The following FANCC variants were observed in gnomAD, a reference collection of about 807,000 sequenced individuals.
The protein encoded by FANCC is Fanconi anemia group C protein.
In FANCC, 55 loss-of-function variants were observed where a neutral mutation model predicts 71.3. The ratio of observed to expected loss-of-function variants is 0.77; its 90% CI spans 0.62 to 0.97. FANCC has a LOEUF of 0.97. FANCC is among the 50% of genes least tolerant of loss of function. The probability of loss-of-function intolerance (pLI) is 0.00; values close to 1 mark genes in which losing one functional copy is unlikely to be tolerated. For synonymous variants in FANCC, 275 were observed against 244.9 expected, an observed-to-expected ratio of 1.12 and a Z score of -1.15; for missense variants, 678 against 670.9, an observed-to-expected ratio of 1.01 and a Z score of -0.12.
intron 4 of FANCC, among the ~76,000 whole-genome samples, chr9:95,235,790 G>A (rs1199886163): frequency 8.2e-6 from 1 of 121,330 alleles, no homozygotes; most frequent in Non-Finnish European, 1.6e-5. Flanking sequence ...GTTGCAGTGG[G>A]CCAAGATTGC....
At chr9:95,141,869 A>G (rs1446790470) in intron 7 of FANCC, among the ~76,000 whole-genome samples, 1 of 152,134 alleles carries the variant, frequency 6.6e-6, no homozygotes, top group Non-Finnish European at 1.5e-5. Flanking sequence ...GTTTTAGTTC[A>G]GTGATTGTTA....
intron 1 of FANCC, among the ~76,000 whole-genome samples, chr9:95,307,148 G>C (rs1462666459): frequency 6.6e-6 from 1 of 152,168 alleles, no homozygotes; most frequent in African/African-American, 2.4e-5. Flanking sequence ...GCCTCCCAAA[G>C]TGCTGGGATT....
In FANCC at chr9:95,125,148, T is replaced by C. The variant is rs1800366; in HGVS notation, c.934A>G (p.Ile312Val). 6.9e-4 allele frequency: 1,112 copies of C among 1,614,224 alleles called. 1 individual carries two copies. Among genetic ancestry groups the C allele is most frequent in the Non-Finnish European group, 7.6e-4 (895 of 1,180,034 alleles). Residue 312 changes from isoleucine to valine, a missense_variant, in exon 10 of 15, where the codon ATA becomes GTA. Coordinates refer to ENST00000289081, the MANE Select transcript of FANCC (RefSeq NM_000136.3). ...TGCGTAAACACCTGAATAGTGGCTA[T>C]GATTTCCAGGGCCCCATCGGTTTCC... ...LLETDGALEI[I>V]ATIQVFTQCF...
intron 6 of FANCC, among the ~76,000 whole-genome samples, chr9:95,168,881 T>C (rs915936872): frequency 6.6e-6 from 1 of 152,252 alleles, no homozygotes; most frequent in Non-Finnish European, 1.5e-5. Flanking sequence ...TGTCCCACTC[T>C]GTCCCATCTG....
intron 14 of FANCC, among the ~76,000 whole-genome samples, chr9:95,105,701 C>A (rs543745725): frequency 1.3e-5 from 2 of 152,222 alleles, no homozygotes; most frequent in Non-Finnish European, 2.9e-5. Flanking sequence ...GGACTTGACT[C>A]TTCCAGGTGC....
At chr9:95,141,939 T>C (rs1382240650) in intron 7 of FANCC, among the ~76,000 whole-genome samples, 1 of 151,344 alleles carries the variant, frequency 6.6e-6, no homozygotes, top group Non-Finnish European at 1.5e-5. Context: ...ATAATACAAT[T>C]ACTAGAGTCA....
intron 1 of FANCC, among the ~76,000 whole-genome samples, chr9:95,253,441 T>C (rs1831474103): frequency 6.6e-6 from 1 of 152,208 alleles, no homozygotes; most frequent in Non-Finnish European, 1.5e-5. Context: ...GGTGTTTCTC[T>C]CAACATTTTA....
rs554500052 is a variant in FANCC, at chr9:95,100,699, C to T, written c.*1008G>A. ...AGGCTGGAGTGCAGTGTCATGATCT[C>T]GGCTCACTACAACTCCCACCTCCCG... On this transcript the variant is annotated 3_prime_UTR_variant, in exon 15 of 15. Transcript: ENST00000289081. The T allele has an allele frequency of 5.7e-5, 13 of 228,378 alleles. No homozygotes were observed. The highest frequency in any genetic ancestry group is 1.8e-4 in the African/African-American group (8 of 45,196). The allele number at this position is 228,378 out of a possible 1,614,324, so 14.1% of individuals were successfully genotyped here. A position where few individuals can be genotyped will look rare whatever the true frequency, so the allele number is the denominator to read the frequency against.
chr9:95,141,050 C>T (rs1203413232), intron 7 of FANCC, among the ~76,000 whole-genome samples: 1 of 152,008 alleles, frequency 6.6e-6, no homozygotes. Context: ...TGTCTCAGGC[C>T]TGTAGTCTCA....
chr9:95,148,503 C>G (rs1829863932), intron 7 of FANCC, among the ~76,000 whole-genome samples: 1 of 152,200 alleles, frequency 6.6e-6, no homozygotes, highest in Non-Finnish European at 1.5e-5. Context: ...TAAATTTTAG[C>G]TTTTAAGCAG....
rs569931981 is a variant in FANCC at position 95,189,384 on chromosome 9, G to A, written c.346-17237C>T. Reference sequence around the variant, plus strand: ...CTGCTCATTCACAGACCCTCCCAGCGCCCGTTGTTTACATAGCCTATTCCG... The same window carrying A: ...CTGCTCATTCACAGACCCTCCCAGCACCCGTTGTTTACATAGCCTATTCCG... On this transcript the variant is annotated intron_variant, in intron 4 of 14. Transcript: ENST00000289081. Among the ~76,000 whole-genome samples, 11 of 152,214 alleles carry A rather than the reference G, an allele frequency of 7.2e-5. No individual in the cohort carries two copies. The East Asian group carries it at 9.6e-4, about 13-fold the overall frequency.
rs1831008924 is a variant in FANCC at position 95,165,390 on chromosome 9, A to G, written c.521+5689T>C. On this transcript the variant is annotated intron_variant, in intron 6 of 14. Coordinates refer to ENST00000289081, the MANE Select transcript of FANCC (RefSeq NM_000136.3). Reference sequence around the variant, plus strand: ...TCTTTTTTTTTCTTCCTTCAAAAGCATGTACACTTTCTTCTTTTTTAATGT... The same window carrying G: ...TCTTTTTTTTTCTTCCTTCAAAAGCGTGTACACTTTCTTCTTTTTTAATGT... Among the ~76,000 whole-genome samples the G allele has an allele frequency of 2.6e-5, 4 of 151,488 alleles. No individual in the cohort carries two copies. In the South Asian group the frequency reaches 8.3e-4, roughly 31 times the overall value.
rs1208952967 is a variant in FANCC, at chr9:95,101,629, G to A, written c.*78C>T. On this transcript the variant is annotated 3_prime_UTR_variant, in exon 15 of 15. Transcript: ENST00000289081. ...AGGGCACTTACTCCACAAATGCGTGGCCACAGGTCATCACCTGTCCTGTGG... is the reference window on the plus strand; with the variant it reads ...AGGGCACTTACTCCACAAATGCGTGACCACAGGTCATCACCTGTCCTGTGG... 1.3e-6 allele frequency: 2 copies of A among 1,578,720 alleles called. No homozygotes were observed. Among genetic ancestry groups the A allele is most frequent in the African/African-American group, 1.3e-5 (1 of 74,348 alleles).
At position 95,269,710 on chromosome 9, in the gene FANCC, G is replaced by A. The variant is rs185455359; in HGVS notation, c.-78-20341C>T. On this transcript the variant is annotated intron_variant, in intron 1 of 14. Coordinates refer to ENST00000289081, the MANE Select transcript of FANCC (RefSeq NM_000136.3). The stretch of plus-strand genomic sequence containing the variant: ...GAACAATTCACATACATTCCAGCCT[G>A]GTTATCACGTAGTTTTGCTATGTTT... 6.3e-4 allele frequency among the ~76,000 whole-genome samples: 96 copies of A among 152,194 alleles called. 1 individual carries two copies. The highest frequency in any genetic ancestry group is 1.1e-3 in the Non-Finnish European group (74 of 68,014).
At chr9:95,170,714 G>A (rs963081048) in intron 6 of FANCC, among the ~76,000 whole-genome samples, 4 of 150,738 alleles carry the variant, frequency 2.7e-5, no homozygotes, top group East Asian at 3.9e-4. Context: ...GGGCAGGCTA[G>A]TGTGAGAGCA....
At chr9:95,163,613 G>A (rs746223808) in intron 6 of FANCC, among the ~76,000 whole-genome samples, 12 of 152,220 alleles carry the variant, frequency 7.9e-5, no homozygotes, top group Non-Finnish European at 1.3e-4. Context: ...ACTTTGGGAG[G>A]CCAAGGCAAG....
At chr9:95,148,779 C>CAA (rs1168152440) in intron 7 of FANCC, among the ~76,000 whole-genome samples, 1 of 152,196 alleles carries the variant, frequency 6.6e-6, no homozygotes, top group East Asian at 1.9e-4. Flanking sequence ...TCTAATGTAA[C>CAA]AGAGTATGGA....
intron 4 of FANCC, among the ~76,000 whole-genome samples, chr9:95,215,586 CT>C (rs1339827274): frequency 4.6e-5 from 7 of 152,156 alleles, no homozygotes; most frequent in Admixed American, 4.6e-4. Flanking sequence ...ACTGCTCCTG[CT>C]AAGAGAGTAC....
intron 14 of FANCC, among the ~76,000 whole-genome samples, chr9:95,105,968 C>T (rs989589109): frequency 6.6e-6 from 1 of 152,262 alleles, no homozygotes; most frequent in South Asian, 2.1e-4. Context: ...CTGCTTTCGG[C>T]TCTCTGGGTT....
Sources: gnomAD v4.1 joint callset for allele counts (sites outside exome capture counted in the v4.1 genomes callset) on GRCh38, gnomAD v4.1.1 for gene constraint, MANE v1.5 for transcripts, NCBI Gene and HGNC (gene_info 2026-07-23, HGNC 2026-07-21) for gene names.